ITGA1: variants seen among roughly 807,000 people sequenced by gnomAD.
ITGA1 encodes integrin subunit alpha 1.
In ITGA1, 85 loss-of-function variants were observed where a neutral mutation model predicts 145.9. The observed-to-expected ratio is 0.58, with a 90% CI of 0.49 to 0.70. The LOEUF is 0.70. ITGA1 is among the 30% of genes least tolerant of loss of function. The pLI is 0.00. For synonymous variants in ITGA1, 520 were observed against 495.3 expected (o/e 1.05, Z -0.66); for missense variants, 1,351 against 1,418.7 (o/e 0.95, Z 0.77).
At chr5:52,850,494 G>T (rs1561226928) in intron 2 of ITGA1, among the ~76,000 whole-genome samples, 1 of 152,110 alleles carries the variant, frequency 6.6e-6, no homozygotes, top group Non-Finnish European at 1.5e-5. Flanking sequence ...TTTAGTAGCT[G>T]TAATAATAAG....
chr5:52,809,808 T>C (rs905614602), intron 1 of ITGA1, among the ~76,000 whole-genome samples: 2 of 152,152 alleles, frequency 1.3e-5, no homozygotes, highest in Non-Finnish European at 2.9e-5. Flanking sequence ...TGGCCTCAAC[T>C]TCACTTTGGT....
intron 7 of ITGA1, among the ~76,000 whole-genome samples, chr5:52,887,237 T>G (rs1183013867): frequency 1.3e-5 from 2 of 152,120 alleles, no homozygotes; most frequent in East Asian, 3.9e-4. Flanking sequence ...CTGCAGTCTA[T>G]TACTCCCATG....
intron 1 of ITGA1, among the ~76,000 whole-genome samples, chr5:52,839,088 C>T (rs1180583987): frequency 1.3e-5 from 2 of 152,080 alleles, no homozygotes; most frequent in Non-Finnish European, 2.9e-5. Context: ...CTGAGTGAGA[C>T]CCTGCCTCAA....
At position 52,918,835 on chromosome 5, in the gene ITGA1, A is replaced by G. The variant is rs1750688601; in HGVS notation, c.2092A>G (p.Ile698Val). The G allele has an allele frequency of 1.2e-6, 2 of 1,612,974 alleles. No homozygotes were observed. The highest frequency in any genetic ancestry group is 1.7e-5 in the Admixed American group (1 of 59,848). ...TATGGAGGGAAAGGAAACAGTATGC[A>G]TAAATGCTACAGTGTGTTTTGATGT... ...CHMEGKETVC[I>V]NATVCFDVKL... Residue 698 changes from isoleucine (I) to valine (V), a missense_variant, in exon 16 of 29, where the codon ATA becomes GTA. Ile to Val is a conservative substitution (Grantham distance 29). Transcript: ENST00000282588.
intron 1 of ITGA1, among the ~76,000 whole-genome samples, chr5:52,844,880 A>G (rs1580058498): frequency 6.6e-6 from 1 of 152,194 alleles, no homozygotes; most frequent in Non-Finnish European, 1.5e-5. Context: ...GTATAACAAA[A>G]TTCACATTGA....
chr5:52,934,163 A>G (rs951350138), intron 23 of ITGA1, among the ~76,000 whole-genome samples, 167 bp downstream of exon 23: 2 of 150,406 alleles, frequency 1.3e-5, no homozygotes, highest in African/African-American at 4.8e-5. Flanking sequence ...TAATATATAA[A>G]TATAATTTTC....
intron 1 of ITGA1, among the ~76,000 whole-genome samples, chr5:52,848,969 G>T (rs572332550): frequency 6.6e-6 from 1 of 152,206 alleles, no homozygotes; most frequent in Non-Finnish European, 1.5e-5. Flanking sequence ...TCTTAATCCA[G>T]TCTATCGTTG....
At chr5:52,826,702 T>C (rs984015277) in intron 1 of ITGA1, among the ~76,000 whole-genome samples, 3 of 152,216 alleles carry the variant, frequency 2.0e-5, no homozygotes, top group African/African-American at 7.2e-5. Context: ...TAAATCTACC[T>C]ACACTCTATA....
At chr5:52,918,328 G>A (rs997739713) in intron 15 of ITGA1, among the ~76,000 whole-genome samples, 1 of 152,086 alleles carries the variant, frequency 6.6e-6, no homozygotes, top group Admixed American at 6.6e-5. Flanking sequence ...AACTCACAAG[G>A]ACAGACAATA....
intron 11 of ITGA1, among the ~76,000 whole-genome samples, chr5:52,899,965 T>C (rs1016603788): frequency 3.3e-5 from 5 of 152,148 alleles, no homozygotes; most frequent in African/African-American, 9.7e-5. Context: ...TCTGGGTTGA[T>C]TAAGAAAGCA....
At chr5:52,906,232 C>G (rs932401614) in intron 12 of ITGA1, among the ~76,000 whole-genome samples, 4 of 152,086 alleles carry the variant, frequency 2.6e-5, no homozygotes, top group Non-Finnish European at 5.9e-5. Flanking sequence ...TTGCTTTAAG[C>G]TAGGATTGGT....
At chr5:52,925,034 C>G (rs895341909) in intron 18 of ITGA1, among the ~76,000 whole-genome samples, 2 of 152,196 alleles carry the variant, frequency 1.3e-5, no homozygotes, top group African/African-American at 4.8e-5. Flanking sequence ...GTGCAAAGCA[C>G]CCATGAAAAT....
intron 23 of ITGA1, 51 bp from the exon 24 acceptor site, chr5:52,937,350 G>T (rs1750983374): frequency 8.2e-7 from 1 of 1,223,734 alleles, no homozygotes; most frequent in South Asian, 1.2e-5. Context: ...TAAGACAGAA[G>T]AATTCTATTA....
intron 11 of ITGA1, among the ~76,000 whole-genome samples, chr5:52,900,124 T>C (rs1442301537): frequency 2.6e-5 from 4 of 152,202 alleles, no homozygotes; most frequent in Admixed American, 2.6e-4. Flanking sequence ...ATCAGTATGA[T>C]ATGTGCTATG....
intron 6 of ITGA1, among the ~76,000 whole-genome samples, chr5:52,879,062 G>T (rs890392601): frequency 6.6e-6 from 1 of 151,936 alleles, no homozygotes; most frequent in African/African-American, 2.4e-5. Flanking sequence ...CAAAAAGAAG[G>T]ACATTTGAAA....
chr5:52,804,646 G>T (rs1178702485), intron 1 of ITGA1, among the ~76,000 whole-genome samples: 1 of 152,074 alleles, frequency 6.6e-6, no homozygotes, highest in African/African-American at 2.4e-5. Context: ...TACTAATTCT[G>T]CAATTCATAT....
In ITGA1 at chr5:52,892,037, A is replaced by ACACTTC. The variant is rs529319075; in HGVS notation, c.925-1638_925-1637insCACTTC. On this transcript the variant is annotated intron_variant, in intron 8 of 28. Coordinates refer to ENST00000282588, the MANE Select transcript of ITGA1 (RefSeq NM_181501.2). Reference sequence around the variant, plus strand: ...CTACTCTTCAGATGACACTGTTGAGAATATGAAAAGACAATCTACAGACGG... The same window carrying ACACTTC: ...CTACTCTTCAGATGACACTGTTGAGACACTTCATATGAAAAGACAATCTACAGACGG... Among the ~76,000 whole-genome samples, 470 of 152,280 alleles carry ACACTTC rather than the reference A, an allele frequency of 3.1e-3. 2 individuals carry two copies. The highest frequency in any genetic ancestry group is 0.011 in the African/African-American group (454 of 41,568).
intron 21 of ITGA1, among the ~76,000 whole-genome samples, chr5:52,930,294 A>G (rs1180664299): frequency 6.6e-6 from 1 of 152,164 alleles, no homozygotes; most frequent in Non-Finnish European, 1.5e-5. Flanking sequence ...TGCCTGCCAT[A>G]TTATAATCAC....
At position 52,955,326 on chromosome 5, in the gene ITGA1, G is replaced by A. The variant is rs1316060272; in HGVS notation, c.*2875G>A. ...TGTGAGCTGACTTCAGCACACCACT[G>A]AGACAGATTACACGATAGACAGATA... On this transcript the variant is annotated 3_prime_UTR_variant, in exon 29 of 29. Coordinates refer to ENST00000282588, the MANE Select transcript of ITGA1 (RefSeq NM_181501.2). 1 of 150,902 alleles carries A rather than the reference G, an allele frequency of 6.6e-6. No individual in the cohort carries two copies. Among genetic ancestry groups the A allele is most frequent in the African/African-American group, 2.4e-5 (1 of 40,980 alleles). 9.3% of individuals were successfully genotyped at this position (150,902 alleles called of 1,614,324 possible).
Sources: allele counts gnomAD v4.1 joint callset (sites outside exome capture counted in the v4.1 genomes callset), GRCh38; gene constraint gnomAD v4.1.1; transcripts MANE v1.5; gene names NCBI Gene and HGNC (gene_info 2026-07-23, HGNC 2026-07-21).